Variants in PRKG1 observed in about 807,000 individuals in gnomAD.
PRKG1 encodes the protein protein kinase cGMP-dependent 1.
A neutral mutation model predicts 88.1 loss-of-function variants in PRKG1; 35 were observed. That is an observed-to-expected ratio of 0.40 (90% CI 0.30 to 0.53). The LOEUF (loss-of-function observed/expected upper bound fraction) is 0.53. Ranked by LOEUF, PRKG1 falls within the 20% of genes least tolerant of loss-of-function variation. The pLI, the probability that PRKG1 is intolerant of heterozygous loss-of-function variation, is 0.59. For synonymous variants in PRKG1, 303 were observed against 292.5 expected (o/e 1.04, Z -0.37); for missense variants, 540 against 839.8 (o/e 0.64, Z 4.41).
At chr10:51,666,656 T>G (rs1345100119) in intron 3 of PRKG1, among the ~76,000 whole-genome samples, 3 of 152,194 alleles carry the variant, frequency 2.0e-5, no homozygotes, top group Admixed American at 2.0e-4. Context: ...ATATCATAAA[T>G]CCACCCACAT....
intron 5 of PRKG1, among the ~76,000 whole-genome samples, chr10:52,026,707 T>C (rs1845347575): frequency 6.6e-6 from 1 of 152,234 alleles, no homozygotes. Flanking sequence ...CCAGGCACGG[T>C]GGCTCACGCC....
chr10:51,280,128 T>C (rs1840251860), intron 2 of PRKG1, among the ~76,000 whole-genome samples: 1 of 152,198 alleles, frequency 6.6e-6, no homozygotes, highest in African/African-American at 2.4e-5. Flanking sequence ...CTCCTTCACT[T>C]ATGAAGCTTA....
intron 9 of PRKG1, among the ~76,000 whole-genome samples, chr10:52,227,420 CT>C (rs1840414571): frequency 6.6e-6 from 1 of 152,104 alleles, no homozygotes; most frequent in African/African-American, 2.4e-5. Flanking sequence ...ACATACTTTT[CT>C]TTCTATTATT....
chr10:51,944,420 A>G (rs1303546136), intron 5 of PRKG1, among the ~76,000 whole-genome samples: 1 of 151,908 alleles, frequency 6.6e-6, no homozygotes, highest in East Asian at 1.9e-4. Context: ...TGGATTCATT[A>G]ATTTTTTGAA....
At chr10:51,996,629 GATA>G (rs1252356395) in intron 5 of PRKG1, among the ~76,000 whole-genome samples, 2 of 152,046 alleles carry the variant, frequency 1.3e-5, no homozygotes, top group Non-Finnish European at 1.5e-5. Context: ...AAAAGATGAT[GATA>G]ATAAGTATTG....
chr10:52,227,868 C>G (rs1011581935), intron 9 of PRKG1, among the ~76,000 whole-genome samples: 1 of 152,088 alleles, frequency 6.6e-6, no homozygotes. Context: ...CTGGGTAATG[C>G]GTGAGAAATC....
chr10:52,109,859 G>A (rs1220175889), intron 7 of PRKG1, among the ~76,000 whole-genome samples: 1 of 151,954 alleles, frequency 6.6e-6, no homozygotes, highest in Admixed American at 6.5e-5. Context: ...ATATAGCAGT[G>A]TCAAAGAGCT....
chr10:51,498,920 A>G lies in PRKG1; in HGVS notation c.592+31084A>G, dbSNP rs569284228. Among the ~76,000 whole-genome samples the G allele has an allele frequency of 9.2e-5, 14 of 152,158 alleles. No individual in the cohort carries two copies. In the East Asian group the frequency reaches 2.3e-3, roughly 25 times the overall value. On this transcript the variant is annotated intron_variant, in intron 3 of 17. Transcript: ENST00000373980. Reference sequence around the variant, plus strand: ...TACCCTTACTCTGTCAGAAAAAAAAAAAAGCCAGCACATATACACAAGGAA... The same window carrying G: ...TACCCTTACTCTGTCAGAAAAAAAAGAAAGCCAGCACATATACACAAGGAA...
At chr10:51,892,769 C>T (rs184577988) in intron 4 of PRKG1, among the ~76,000 whole-genome samples, 63 of 152,300 alleles carry the variant, frequency 4.1e-4, no homozygotes, top group Admixed American at 2.5e-3. Context: ...AAGATGTGTG[C>T]TGTCCCAAAT....
chr10:52,033,511 C>T (rs887915146), intron 5 of PRKG1, among the ~76,000 whole-genome samples: 2 of 152,136 alleles, frequency 1.3e-5, no homozygotes, highest in African/African-American at 4.8e-5. Context: ...GTTTATATCA[C>T]CTTTTTAGCT....
At chr10:52,206,344 G>A (rs1839819572) in intron 9 of PRKG1, among the ~76,000 whole-genome samples, 1 of 151,998 alleles carries the variant, frequency 6.6e-6, no homozygotes, top group Non-Finnish European at 1.5e-5. Context: ...CTTGGATTGG[G>A]TTTTGTCTTT....
chr10:51,583,349 A>C (rs755484607), intron 3 of PRKG1, among the ~76,000 whole-genome samples: 17 of 152,162 alleles, frequency 1.1e-4, no homozygotes, highest in Admixed American at 6.6e-5. Context: ...AAATATTAAT[A>C]GTTAAAAGTT....
chr10:51,842,429 G>C (rs571056079), intron 4 of PRKG1, among the ~76,000 whole-genome samples: 2 of 152,190 alleles, frequency 1.3e-5, no homozygotes, highest in Non-Finnish European at 2.9e-5. Context: ...ACTACACGAT[G>C]ACTGAATGGT....
chr10:51,265,531 T>C (rs1839817205), intron 2 of PRKG1, among the ~76,000 whole-genome samples: 1 of 152,146 alleles, frequency 6.6e-6, no homozygotes, highest in South Asian at 2.1e-4. Flanking sequence ...TTTATTTTAT[T>C]TTATTATTTT....
intron 3 of PRKG1, among the ~76,000 whole-genome samples, chr10:51,804,372 G>A (rs1009014029): frequency 6.6e-6 from 1 of 152,094 alleles, no homozygotes; most frequent in African/African-American, 2.4e-5. Context: ...AATAATGCGA[G>A]TATGGAAAAT....
intron 3 of PRKG1, among the ~76,000 whole-genome samples, chr10:51,801,281 T>C (rs2132604861): frequency 6.6e-6 from 1 of 152,286 alleles, no homozygotes; most frequent in South Asian, 2.1e-4. Context: ...AGTAAGACTT[T>C]TATGGACACA....
In PRKG1 at chr10:51,616,528, T is replaced by C. The variant is rs1589133544; in HGVS notation, c.592+148692T>C. On this transcript the variant is annotated intron_variant, in intron 3 of 17. Transcript: ENST00000373980. ...TAGGTGGTGGTAGCAGCAGGGTGGG[T>C]AGGCTCAATCTCAAGCCCCAAAGAT... is the stretch of plus-strand genomic sequence containing the variant. Among the ~76,000 whole-genome samples the C allele has an allele frequency of 1.3e-5, 2 of 151,996 alleles. 1 individual carries two copies. Among genetic ancestry groups the C allele is most frequent in the South Asian group, 4.2e-4 (2 of 4,818 alleles).
intron 3 of PRKG1, among the ~76,000 whole-genome samples, chr10:51,677,838 G>A (rs982842467): frequency 2.0e-5 from 3 of 152,150 alleles, no homozygotes; most frequent in Non-Finnish European, 2.9e-5. Context: ...CCTGGTTTGC[G>A]CATCAGAAGG....
At chr10:51,554,529 T>G (rs1351044089) in intron 3 of PRKG1, among the ~76,000 whole-genome samples, 1 of 151,050 alleles carries the variant, frequency 6.6e-6, no homozygotes, top group Non-Finnish European at 1.5e-5. Flanking sequence ...TACTCAATGA[T>G]TTTTCAAGAT....
Sources: allele counts gnomAD v4.1 joint callset (sites outside exome capture counted in the v4.1 genomes callset), GRCh38; gene constraint gnomAD v4.1.1; transcripts MANE v1.5; gene names NCBI Gene and HGNC (gene_info 2026-07-23, HGNC 2026-07-21).